The following TENM3 variants were observed in gnomAD, a reference collection of about 807,000 sequenced individuals.
TENM3 encodes teneurin transmembrane protein 3.
TENM3 carries 63 observed loss-of-function variants against 255.1 expected under a neutral mutation model. That is an observed-to-expected ratio of 0.25 (90% CI 0.20 to 0.30). The LOEUF is 0.30. Among genes scored for constraint, TENM3 ranks in the 10% least tolerant of loss-of-function variants. The pLI, the probability that TENM3 is intolerant of heterozygous loss-of-function variation, is 1.00. For missense variants in TENM3, 2,929 were observed against 3,461.1 expected, an observed-to-expected ratio of 0.85 and a Z score of 3.86; for synonymous variants, 1,306 against 1,322.3, an observed-to-expected ratio of 0.99 and a Z score of 0.27.
At chr4:181,881,380 A>G in the TENM3 span, among the ~76,000 whole-genome samples, 1 of 152,122 alleles carries the variant, frequency 6.6e-6, no homozygotes, top group African/African-American at 2.4e-5. Flanking sequence ...GTTAAGGGGA[A>G]TAAGTTAAAA....
At chr4:182,373,675 A>G (rs1766994252) in intron 3 of TENM3, among the ~76,000 whole-genome samples, 1 of 152,154 alleles carries the variant, frequency 6.6e-6, no homozygotes, top group Non-Finnish European at 1.5e-5. Context: ...ATTGGGTGTC[A>G]TATTTCAACA....
chr4:182,786,314 T>A (rs564936691), intron 24 of TENM3, among the ~76,000 whole-genome samples: 19 of 152,176 alleles, frequency 1.2e-4, no homozygotes, highest in African/African-American at 4.6e-4. Context: ...CCCAGCACTT[T>A]GGGAAGCGGA....
At chr4:181,880,999 T>C in the TENM3 span, among the ~76,000 whole-genome samples, 2 of 152,156 alleles carry the variant, frequency 1.3e-5, no homozygotes, top group African/African-American at 2.4e-5. Context: ...CCAAGCTCAT[T>C]TGAGTATGTA....
At chr4:182,417,037 G>C (rs1256733096) in intron 3 of TENM3, among the ~76,000 whole-genome samples, 1 of 151,990 alleles carries the variant, frequency 6.6e-6, no homozygotes, top group East Asian at 1.9e-4. Context: ...GCGGTGGTGC[G>C]ATCTCGGCTC....
the TENM3 span, among the ~76,000 whole-genome samples, chr4:182,059,153 C>T: frequency 6.6e-6 from 1 of 152,052 alleles, no homozygotes; most frequent in South Asian, 2.1e-4. Flanking sequence ...ACTGAGAACA[C>T]AGCTGGTTTT....
chr4:181,559,551 A>G, the TENM3 span, among the ~76,000 whole-genome samples: 1 of 152,242 alleles, frequency 6.6e-6, no homozygotes, highest in Non-Finnish European at 1.5e-5. Context: ...AAAATTGCAT[A>G]ATAACTTTTC....
intron 1 of TENM3, among the ~76,000 whole-genome samples, chr4:182,268,657 G>T (rs1561264216): frequency 6.6e-6 from 1 of 152,036 alleles, no homozygotes; most frequent in East Asian, 1.9e-4. Context: ...AAAGGAGCCG[G>T]CCAAAACCCA....
chr4:181,895,814 G>A, the TENM3 span, among the ~76,000 whole-genome samples: 1 of 151,834 alleles, frequency 6.6e-6, no homozygotes, highest in African/African-American at 2.4e-5. Flanking sequence ...CAAAGTGCTG[G>A]GATTACAGTT....
chr4:181,728,567 G>A, the TENM3 span, among the ~76,000 whole-genome samples: 1 of 152,136 alleles, frequency 6.6e-6, no homozygotes, highest in Admixed American at 6.5e-5. Flanking sequence ...TGGTGCTGGT[G>A]GGCATGGCTT....
the TENM3 span, among the ~76,000 whole-genome samples, chr4:181,925,403 G>C: frequency 5.3e-5 from 8 of 152,054 alleles, no homozygotes; most frequent in Non-Finnish European, 8.8e-5. Flanking sequence ...ATTTATCACA[G>C]TGTTACAATT....
the TENM3 span, among the ~76,000 whole-genome samples, chr4:182,000,268 T>C: frequency 6.6e-6 from 1 of 152,100 alleles, no homozygotes; most frequent in East Asian, 1.9e-4. Context: ...GGAGCAATCA[T>C]TGAAATGATG....
At chr4:181,553,590 T>C in the TENM3 span, among the ~76,000 whole-genome samples, 3,921 of 151,736 alleles carry the variant, frequency 0.026, 143 homozygotes, top group African/African-American at 0.071. Context: ...TACGGGTGCC[T>C]GCCACCACGC....
At chr4:181,823,649 A>G in the TENM3 span, among the ~76,000 whole-genome samples, 1 of 152,178 alleles carries the variant, frequency 6.6e-6, no homozygotes, top group East Asian at 1.9e-4. Context: ...ACTTGAAGCA[A>G]TGATGGGGGT....
the TENM3 span, among the ~76,000 whole-genome samples, chr4:181,593,724 A>G: frequency 2.0e-5 from 3 of 152,210 alleles, no homozygotes; most frequent in Non-Finnish European, 4.4e-5. Flanking sequence ...GGAGACCATA[A>G]GCTTTTCTTA....
the TENM3 span, among the ~76,000 whole-genome samples, chr4:181,453,727 G>A: frequency 8.6e-3 from 1,312 of 152,212 alleles, 17 homozygotes; most frequent in African/African-American, 0.03. Context: ...TGGTTTGAGA[G>A]GAAACAGCAA....
At chr4:181,704,229 T>C in the TENM3 span, among the ~76,000 whole-genome samples, 1 of 152,294 alleles carries the variant, frequency 6.6e-6, no homozygotes, top group South Asian at 2.1e-4. Flanking sequence ...TCCTCCTACC[T>C]ACCCCTGAGC....
chr4:181,769,680 G>A, the TENM3 span, among the ~76,000 whole-genome samples: 1 of 152,140 alleles, frequency 6.6e-6, no homozygotes, highest in Non-Finnish European at 1.5e-5. Flanking sequence ...GTGATTAGGT[G>A]TAGTCTCTAA....
the TENM3 span, among the ~76,000 whole-genome samples, chr4:181,519,740 A>G: frequency 6.6e-6 from 1 of 152,190 alleles, no homozygotes; most frequent in Non-Finnish European, 1.5e-5. Flanking sequence ...TATATTGCTG[A>G]CTTTTTTGAA....
At chr4:182,640,879 C>T (rs1190735317) in intron 5 of TENM3, among the ~76,000 whole-genome samples, 1 of 152,206 alleles carries the variant, frequency 6.6e-6, no homozygotes, top group Non-Finnish European at 1.5e-5. Context: ...ACGCAGGCTT[C>T]ATAAGAACGT....
Sources: allele counts gnomAD v4.1 joint callset (sites outside exome capture counted in the v4.1 genomes callset), GRCh38; gene constraint gnomAD v4.1.1; transcripts MANE v1.5; gene names NCBI Gene and HGNC (gene_info 2026-07-23, HGNC 2026-07-21).